TAF1: variants seen among roughly 807,000 people sequenced by gnomAD.
The protein encoded by TAF1 is transcription initiation factor TFIID subunit 1.
A neutral mutation model predicts 138.5 loss-of-function variants in TAF1; 2 were observed. The observed-to-expected ratio is 0.01, with a 90% CI of 0.01 to 0.05. The LOEUF (loss-of-function observed/expected upper bound fraction) is 0.05. Among genes scored for constraint, TAF1 ranks in the 10% least tolerant of loss-of-function variants. TAF1 has a pLI of 1.00. For missense variants in TAF1, 709 were observed against 1,478.0 expected (o/e 0.48, Z 8.53); for synonymous variants, 437 against 503.2 (o/e 0.87, Z 1.76).
In TAF1 at chrX:71,385,284, A is replaced by T. The variant is rs779318365; in HGVS notation, c.2226+235A>T. ...AGGTTTTTAAAAATACACACTGGTA[A>T]GCTCAGTAACATCTGGGAAGCATAA... On this transcript the variant is annotated intron_variant, in intron 14 of 37. Transcript: ENST00000423759. 2.7e-5 allele frequency among the ~76,000 whole-genome samples: 3 copies of T among 112,390 alleles called. No individual in the cohort carries two copies. The South Asian group carries it at 1.1e-3, about 41-fold the overall frequency.
chrX:71,419,145 A>G (rs1417506734), intron 28 of TAF1, among the ~76,000 whole-genome samples: 1 of 112,034 alleles, frequency 8.9e-6, no homozygotes, highest in African/African-American at 3.2e-5. Flanking sequence ...TACAAACAAA[A>G]GTTGCAATCA....
chrX:71,518,467 G>C lies in TAF1; in HGVS notation c.1367-10075G>C, dbSNP rs749034661. 8.1e-5 allele frequency among the ~76,000 whole-genome samples: 9 copies of C among 111,143 alleles called. 1 individual carries two copies. The highest frequency in any genetic ancestry group is 1.1e-4 in the Non-Finnish European group (6 of 52,992). On this transcript the variant is annotated intron_variant and NMD_transcript_variant, in intron 13 of 14. Coordinates refer to the TAF1 transcript ENST00000373775. ...ATTACAGGCGTGAGCCACCATGCCAGGCCAAGAAATCACTTTGTTTACAAA... is the reference window on the plus strand; with the variant it reads ...ATTACAGGCGTGAGCCACCATGCCACGCCAAGAAATCACTTTGTTTACAAA...
At chrX:71,436,923 G>A (rs1300214717) in intron 32 of TAF1, among the ~76,000 whole-genome samples, 2 of 111,832 alleles carry the variant, frequency 1.8e-5, no homozygotes, top group Non-Finnish European at 3.8e-5. Context: ...TGGAGAAACT[G>A]TATATCTTTA....
At chrX:71,530,472 G>A (rs1346075105), downstream of TAF1, 3 of 93,683 alleles carry the variant, frequency 3.2e-5, no homozygotes, top group Non-Finnish European at 2.0e-5. Context: ...TCATTGTGAA[G>A]ACGGAAAGAA....
chrX:71,489,812 TTAGCAG>T (rs1479582909), intron 13 of TAF1, among the ~76,000 whole-genome samples: 7 of 112,254 alleles, frequency 6.2e-5, no homozygotes, highest in Non-Finnish European at 9.4e-5. Flanking sequence ...GAGGAATAAA[TTAGCAG>T]TAGCATCAGA....
rs377479311 is a variant in TAF1 at position 71,393,496 on chromosome X, C to T, written c.3227+20C>T. 1 of 1,162,417 alleles carries T rather than the reference C, an allele frequency of 8.6e-7. No homozygotes were observed. The highest frequency in any genetic ancestry group is 1.1e-6 in the Non-Finnish European group (1 of 873,546). On this transcript the variant is annotated intron_variant, in intron 21 of 37. Coordinates refer to ENST00000423759, the MANE Select transcript of TAF1 (RefSeq NM_004606.5). ...GAACAAGTGGGTCGTTTTAGTGCTG[C>T]AGAAAATCCAAGCTGGAAAGGGGGA...
intron 13 of TAF1, among the ~76,000 whole-genome samples, chrX:71,495,816 G>A (rs1217972491): frequency 8.9e-6 from 1 of 111,979 alleles, no homozygotes; most frequent in Non-Finnish European, 1.9e-5. Context: ...GCCCTGTGCT[G>A]ATGGACTTGA....
chrX:71,427,632 A>G (rs911356929), intron 32 of TAF1, among the ~76,000 whole-genome samples: 1 of 111,992 alleles, frequency 8.9e-6, no homozygotes, highest in African/African-American at 3.2e-5. Context: ...ATTCTGTTGC[A>G]CTAGTAATCC....
intron 18 of TAF1, among the ~76,000 whole-genome samples, chrX:71,391,659 C>G (rs746827864): frequency 1.0e-5 from 1 of 95,777 alleles, no homozygotes; most frequent in Non-Finnish European, 2.0e-5. Context: ...GACAGAGTCT[C>G]ACTCTGTCTC....
At position 71,397,282 on chromosome X, in the gene TAF1, C is replaced by A; in HGVS notation, c.3436C>A (p.His1146Asn). The change falls in exon 23 of 38, where the codon CAC (histidine) becomes AAC (asparagine). Residue 1146 changes from histidine to asparagine, a missense_variant. Around this residue, in one of 14 missense-constraint regions of TAF1, gnomAD observed 31 missense variants for 52.2 expected, o/e 0.59. Transcript: ENST00000423759. ...AAGSAASGNNHRDDDTASVTS... is the reference protein window; with the variant it reads ...AAGSAASGNNNRDDDTASVTS... ...AGGCTCAGCAGCATCCGGAAACAAT[C>A]ACAGAGATGATGACACAGCTTCCGT... 8.3e-7 allele frequency: 1 copy of A among 1,211,310 alleles called. No individual in the cohort carries two copies. Among genetic ancestry groups the A allele is most frequent in the African/African-American group, 1.7e-5 (1 of 57,669 alleles).
intron 13 of TAF1, among the ~76,000 whole-genome samples, chrX:71,478,574 C>T (rs562379053): frequency 1.8e-5 from 2 of 111,116 alleles, no homozygotes; most frequent in African/African-American, 3.3e-5. Flanking sequence ...TGGCCAAGTG[C>T]GATGGCTCAC....
chrX:71,384,817 C>A, intron 13 of TAF1, 128 bp from the exon 14 acceptor site: 1 of 485,833 alleles, frequency 2.1e-6, no homozygotes, highest in Non-Finnish European at 3.3e-6. Context: ...ATTCCAAAAT[C>A]CGAAACACTT....
intron 25 of TAF1, among the ~76,000 whole-genome samples, chrX:71,404,461 C>T (rs762977969): frequency 6.3e-5 from 7 of 110,781 alleles, no homozygotes; most frequent in Non-Finnish European, 1.1e-4. Context: ...CCTCAGCCTC[C>T]CGAGTAACTG....
intron 13 of TAF1, chrX:71,491,021 T>TGTG (rs2039266854): frequency 1.0e-5 from 1 of 96,406 alleles, no homozygotes; most frequent in East Asian, 3.0e-4. Context: ...TGGGTTTTTT[T>TGTG]GTTGTTGTTG....
chrX:71,434,852 C>G (rs1021405959), intron 32 of TAF1, among the ~76,000 whole-genome samples: 3 of 112,692 alleles, frequency 2.7e-5, no homozygotes, highest in Admixed American at 9.4e-5. Context: ...AGGAGAGAGT[C>G]ATACAGATAA....
Position 71,377,009 on chromosome X carries a change from T to A in TAF1, c.532T>A (p.Ser178Thr). 1 of 1,211,781 alleles carries A rather than the reference T, an allele frequency of 8.3e-7. No individual in the cohort carries two copies. Among genetic ancestry groups the A allele is most frequent in the Non-Finnish European group, 1.1e-6 (1 of 895,543 alleles). The change falls in exon 5 of 38, where the codon TCA becomes ACA. Residue 178 changes from serine to threonine, a missense_variant. Physicochemically the swap from Ser to Thr is moderately conservative, Grantham distance 58. This residue lies in a region of TAF1 where 123 missense variants were observed against 161.6 expected (regional missense o/e 0.76). Transcript: ENST00000423759. ...PSIIAPSSLA[S>T]EKVDFSSSSD... The stretch of plus-strand genomic sequence containing the variant: ...CATCATTGCCCCTTCCTCTTTGGCC[T>A]CAGAGAAAGTGGACTTCAGTAGTTC...
intron 35 of TAF1, 142 bp downstream of exon 35, chrX:71,458,508 G>A (rs2038405088): frequency 1.1e-6 from 1 of 873,852 alleles, no homozygotes; most frequent in African/African-American, 2.1e-5. Context: ...TTAGAAATGG[G>A]ATTTCAAGTT....
intron 32 of TAF1, among the ~76,000 whole-genome samples, chrX:71,430,291 C>G (rs1028519441): frequency 5.0e-4 from 52 of 104,606 alleles, no homozygotes; most frequent in African/African-American, 1.8e-3. Flanking sequence ...TGAGGCAGGA[C>G]AATGGCGGGA....
intron 13 of TAF1, among the ~76,000 whole-genome samples, chrX:71,493,619 C>A (rs1161161207): frequency 8.9e-6 from 1 of 112,369 alleles, no homozygotes; most frequent in Non-Finnish European, 1.9e-5. Flanking sequence ...GCTTTTCAAC[C>A]CTGTGTAAGG....
Sources: gnomAD v4.1 joint callset for allele counts (sites outside exome capture counted in the v4.1 genomes callset) on GRCh38, gnomAD v4.1.1 for gene constraint, gnomAD v4.1.1 regional missense constraint, MANE v1.5 for transcripts, NCBI Gene and HGNC (gene_info 2026-07-23, HGNC 2026-07-21) for gene names.